Variants in RPN2 observed in about 807,000 individuals in gnomAD.
RPN2 encodes dolichyl-diphosphooligosaccharide--protein glycosyltransferase subunit 2.
A neutral mutation model predicts 71.4 loss-of-function variants in RPN2; 29 were observed. The observed-to-expected ratio is 0.41, with a 90% confidence interval of 0.30 to 0.55. The LOEUF is 0.55. Among genes scored for constraint, RPN2 ranks in the 20% least tolerant of loss-of-function variants. The pLI is 0.35. For synonymous variants in RPN2, 308 were observed against 305.0 expected, an observed-to-expected ratio of 1.01 and a Z score of -0.10; for missense variants, 726 against 774.1, an observed-to-expected ratio of 0.94 and a Z score of 0.74.
At chr20:37,237,827 T>A (rs2068441350) in intron 16 of RPN2, among the ~76,000 whole-genome samples, 1 of 152,168 alleles carries the variant, frequency 6.6e-6, no homozygotes. Context: ...TTGCAGCACC[T>A]GCCTGGGCCC....
intron 2 of RPN2, among the ~76,000 whole-genome samples, chr20:37,186,564 C>T (rs1033368995): frequency 3.3e-5 from 5 of 152,202 alleles, no homozygotes; most frequent in East Asian, 1.9e-4. Flanking sequence ...CCTCCTGCCA[C>T]GGCCTCTCAA....
At position 37,199,186 on chromosome 20, in the gene RPN2, C is replaced by T. The variant is rs748313134; in HGVS notation, c.440C>T (p.Ala147Val). The change falls in exon 4 of 17, where the codon GCC becomes GTC. Residue 147 changes from alanine to valine, a missense_variant. Coordinates refer to ENST00000237530, the MANE Select transcript of RPN2 (RefSeq NM_002951.5). The part of the protein sequence containing the change: ...LPLASQEALS[A>V]LTARLSKEET... Reference sequence around the variant, plus strand: ...TTGGCATCCCAAGAAGCACTCAGTGCCCTTACTGCTCGTCTCAGCAAGGAG... The same window carrying T: ...TTGGCATCCCAAGAAGCACTCAGTGTCCTTACTGCTCGTCTCAGCAAGGAG... 5.6e-6 allele frequency: 9 copies of T among 1,614,030 alleles called. No homozygotes were observed. In the Admixed American group the frequency reaches 1.5e-4, roughly 27 times the overall value.
chr20:37,182,642 G>A (rs2066912592), intron 1 of RPN2, among the ~76,000 whole-genome samples: 1 of 152,160 alleles, frequency 6.6e-6, no homozygotes, highest in South Asian at 2.1e-4. Context: ...GCATCCGCCT[G>A]CCTCAGCCTC....
chr20:37,204,832 A>G lies in RPN2; in HGVS notation c.621A>G (p.Thr207=). ...VYLQFEEGLE[T]TALFVAATYK... is the part of the protein sequence containing the mutation. Reference sequence around the variant, plus strand: ...TCCAGTTTGAAGAAGGACTGGAAACAACAGCGTTATTTGTGGCTGCCACCT... The same window carrying G: ...TCCAGTTTGAAGAAGGACTGGAAACGACAGCGTTATTTGTGGCTGCCACCT... The change falls in exon 6 of 17, where the codon ACA becomes ACG. Residue 207 remains threonine, a synonymous_variant. Transcript: ENST00000237530. 9 of 1,614,168 alleles carry G rather than the reference A, an allele frequency of 5.6e-6. No individual in the cohort carries two copies. The highest frequency in any genetic ancestry group is 7.6e-6 in the Non-Finnish European group (9 of 1,180,026).
At chr20:37,207,097 T>G (rs1030145795) in intron 6 of RPN2, among the ~76,000 whole-genome samples, 176 bp from the exon 7 acceptor site, 5 of 151,936 alleles carry the variant, frequency 3.3e-5, no homozygotes, top group Non-Finnish European at 7.4e-5. Flanking sequence ...CACATCCAAG[T>G]TCTAAGTTTA....
chr20:37,226,160 G>A (rs1176777762), intron 11 of RPN2, among the ~76,000 whole-genome samples: 2 of 152,084 alleles, frequency 1.3e-5, no homozygotes, highest in Admixed American at 6.5e-5. Flanking sequence ...TGCAACCTCT[G>A]CCTCCTAGGT....
chr20:37,196,232 C>CA (rs2067254367), intron 2 of RPN2, among the ~76,000 whole-genome samples: 1 of 148,968 alleles, frequency 6.7e-6, no homozygotes, highest in Non-Finnish European at 1.5e-5. Context: ...GTCTCCCCCC[C>CA]ACCTTTTTTT....
chr20:37,214,948 C>G (rs1415287676), intron 9 of RPN2, among the ~76,000 whole-genome samples: 2 of 152,070 alleles, frequency 1.3e-5, no homozygotes, highest in African/African-American at 4.8e-5. Flanking sequence ...GTGATTTTCT[C>G]TTTCATTCCT....
chr20:37,236,079 A>G (rs1024543590), intron 15 of RPN2, among the ~76,000 whole-genome samples: 5 of 112,834 alleles, frequency 4.4e-5, no homozygotes, highest in Admixed American at 8.9e-5. Context: ...CTGAAGTCCA[A>G]TTGTTACCCC....
chr20:37,189,323 A>G (rs6094080), intron 2 of RPN2, among the ~76,000 whole-genome samples: 2,756 of 64,608 alleles, frequency 0.043, 122 homozygotes, highest in African/African-American at 0.067. Flanking sequence ...GTGTGTGTGT[A>G]TGTGTGTGTG....
chr20:37,232,490 C>T, intron 14 of RPN2, 99 bp downstream of exon 14: 1 of 1,404,288 alleles, frequency 7.1e-7, no homozygotes, highest in Non-Finnish European at 1.0e-6. Flanking sequence ...CTCAGTAAAG[C>T]TCCAGAGGGG....
intron 3 of RPN2, 86 bp downstream of exon 3, chr20:37,198,578 T>C: frequency 6.3e-7 from 1 of 1,594,908 alleles, no homozygotes; most frequent in Non-Finnish European, 8.5e-7. Context: ...ACATCCTTTT[T>C]TTAATTATGA....
At chr20:37,230,690 G>A (rs1354756808) in intron 13 of RPN2, among the ~76,000 whole-genome samples, 4 of 152,130 alleles carry the variant, frequency 2.6e-5, no homozygotes, top group South Asian at 2.1e-4. Flanking sequence ...ACTTGCATAC[G>A]AATTAATGTT....
intron 5 of RPN2, among the ~76,000 whole-genome samples, chr20:37,204,281 A>G (rs1024242169): frequency 3.9e-5 from 6 of 152,166 alleles, no homozygotes; most frequent in African/African-American, 1.4e-4. Flanking sequence ...TTCTCACTGG[A>G]TGCTTCACAG....
At chr20:37,201,050 G>A (rs1474065003) in intron 4 of RPN2, among the ~76,000 whole-genome samples, 2 of 151,762 alleles carry the variant, frequency 1.3e-5, no homozygotes, top group East Asian at 3.9e-4. Flanking sequence ...TAACTTCTCT[G>A]AGCCTTGCCT....
At chr20:37,190,582 T>A (rs990781985) in intron 2 of RPN2, among the ~76,000 whole-genome samples, 1 of 152,120 alleles carries the variant, frequency 6.6e-6, no homozygotes, top group African/African-American at 2.4e-5. Flanking sequence ...CCCTTATGAG[T>A]AGTATGACTA....
chr20:37,228,811 T>A, intron 12 of RPN2, 67 bp downstream of exon 12: 2 of 1,480,178 alleles, frequency 1.4e-6, no homozygotes, highest in Middle Eastern at 2.0e-4. Context: ...TGGCTCTTTT[T>A]CAGGGGCATG....
rs1161879754 is a variant in RPN2, at chr20:37,184,226, C to G, written c.60C>G (p.Thr20=). Residue 20 remains threonine, a synonymous_variant, in exon 2 of 17, where the codon ACC becomes ACG. Coordinates refer to ENST00000237530, the MANE Select transcript of RPN2 (RefSeq NM_002951.5). ...TGGCCCTGACAATCATAGCCAGCACCTGGGCTCTGACGCCCACTCACTACC... is the reference window on the plus strand; with the variant it reads ...TGGCCCTGACAATCATAGCCAGCACGTGGGCTCTGACGCCCACTCACTACC... ...FLLALTIIAS[T]WALTPTHYLT... 6.2e-7 allele frequency: 1 copy of G among 1,614,080 alleles called. No homozygotes were observed. The highest frequency in any genetic ancestry group is 2.2e-5 in the East Asian group (1 of 44,890).
intron 9 of RPN2, among the ~76,000 whole-genome samples, chr20:37,215,807 T>A (rs2067791938): frequency 6.6e-6 from 1 of 152,246 alleles, no homozygotes. Flanking sequence ...TGTTTTAATG[T>A]CTTTCCTTGG....
Sources: gnomAD v4.1 joint callset for allele counts (sites outside exome capture counted in the v4.1 genomes callset) on GRCh38, gnomAD v4.1.1 for gene constraint, MANE v1.5 for transcripts, NCBI Gene and HGNC (gene_info 2026-07-23, HGNC 2026-07-21) for gene names.